Variants in CAPZA1 observed in about 807,000 individuals in gnomAD.
CAPZA1 encodes F-actin-capping protein subunit alpha-1.
Under a neutral mutation model 40.8 loss-of-function variants are expected in CAPZA1, and 10 were observed. That is an observed-to-expected ratio of 0.25 (90% CI 0.15 to 0.42). The LOEUF (loss-of-function observed/expected upper bound fraction) is 0.42, where lower values mean the gene tolerates loss of function less well. Ranked by LOEUF, CAPZA1 falls within the 10% of genes least tolerant of loss-of-function variation. The pLI, the probability that CAPZA1 is intolerant of heterozygous loss-of-function variation, is 1.00. For missense variants in CAPZA1, 277 were observed against 353.8 expected (o/e 0.78, Z 1.74); for synonymous variants, 98 against 115.0 (o/e 0.85, Z 0.95).
At chr1:112,649,790 AC>A (rs570358775) in intron 3 of CAPZA1, 474 of 336,524 alleles carry the variant, frequency 1.4e-3, no homozygotes, top group East Asian at 3.1e-3. Flanking sequence ...AGCTAGCTAT[AC>A]ATAGGAATGA....
At chr1:112,654,801 C>T (rs2101174099) in intron 5 of CAPZA1, 130 bp downstream of exon 5, 1 of 548,278 alleles carries the variant, frequency 1.8e-6, no homozygotes, top group Non-Finnish European at 3.1e-6. Context: ...CATTTTATTC[C>T]CTAAATCATT....
intron 1 of CAPZA1, among the ~76,000 whole-genome samples, chr1:112,640,378 C>A (rs1390859294): frequency 8.4e-6 from 1 of 119,644 alleles, no homozygotes; most frequent in Admixed American, 8.7e-5. Context: ...GTGAGCCCCC[C>A]ACCCGGCCAG....
At chr1:112,639,637 T>C (rs1458207292) in intron 1 of CAPZA1, among the ~76,000 whole-genome samples, 2 of 152,234 alleles carry the variant, frequency 1.3e-5, no homozygotes, top group East Asian at 3.9e-4. Context: ...TTCCTTGACC[T>C]GGTTCTTTCA....
At chr1:112,624,281 C>A (rs1670751908) in intron 1 of CAPZA1, among the ~76,000 whole-genome samples, 1 of 151,864 alleles carries the variant, frequency 6.6e-6, no homozygotes, top group African/African-American at 2.4e-5. Flanking sequence ...GAATGAAAAA[C>A]CAGAGTAGAG....
chr1:112,630,149 C>T (rs1292351592), intron 1 of CAPZA1, among the ~76,000 whole-genome samples: 2 of 151,692 alleles, frequency 1.3e-5, no homozygotes, highest in East Asian at 3.9e-4. Flanking sequence ...CTCAAGTGAT[C>T]CTCCCACCTC....
chr1:112,661,767 A>C (rs1186083411), intron 7 of CAPZA1, among the ~76,000 whole-genome samples: 1 of 152,264 alleles, frequency 6.6e-6, no homozygotes, highest in Non-Finnish European at 1.5e-5. Context: ...ATAAAATAAG[A>C]GCACACATCA....
chr1:112,654,712 T>G, intron 5 of CAPZA1, 41 bp downstream of exon 5: 1 of 1,360,054 alleles, frequency 7.4e-7, no homozygotes, highest in Non-Finnish European at 1.0e-6. Flanking sequence ...AGTGTTTTCT[T>G]ATATTTACCT....
chr1:112,648,095 G>C (rs1671315848), intron 2 of CAPZA1, among the ~76,000 whole-genome samples: 1 of 152,046 alleles, frequency 6.6e-6, no homozygotes, highest in South Asian at 2.1e-4. Context: ...CTTTGTACCT[G>C]GCCCAGATGG....
intron 3 of CAPZA1, 45 bp downstream of exon 3, chr1:112,649,514 G>T: frequency 7.1e-7 from 1 of 1,403,984 alleles, no homozygotes; most frequent in Non-Finnish European, 1.0e-6. Context: ...TCTAACATTG[G>T]ATAAACTATG....
In CAPZA1 at chr1:112,669,956, C is replaced by A. The variant is rs756406634; in HGVS notation, c.721-36C>A. On this transcript the variant is annotated intron_variant, in intron 9 of 9. Transcript: ENST00000263168. ...TTTCTGTTCACAACCAGCCCCATTT[C>A]TGTTCAAGCAACTCATCTTCAATTA... 1.9e-6 allele frequency: 3 copies of A among 1,612,624 alleles called. No individual in the cohort carries two copies. The South Asian group carries it at 3.3e-5, about 18-fold the overall frequency.
In CAPZA1 at chr1:112,624,016, AAAAAG is replaced by A. The variant is rs1477884729; in HGVS notation, c.39+4138_39+4142del. 1.0e-3 allele frequency among the ~76,000 whole-genome samples: 148 copies of A among 145,434 alleles called. 4 individuals are homozygous for A. Among genetic ancestry groups the A allele is most frequent in the African/African-American group, 3.4e-3 (134 of 39,420 alleles). On this transcript the variant is annotated intron_variant, in intron 1 of 9. Coordinates refer to ENST00000263168, the MANE Select transcript of CAPZA1 (RefSeq NM_006135.3). ...GCAAGACTCCATCTCAAAAAAAAAA[AAAAAG>A]AAAAAAGAAAAGAAAAAGAAATCCT...
chr1:112,669,993 C>T lies in CAPZA1; in HGVS notation c.722C>T (p.Thr241Ile). 6.2e-7 allele frequency: 1 copy of T among 1,613,776 alleles called. No homozygotes were observed. The highest frequency in any genetic ancestry group is 1.7e-4 in the Middle Eastern group (1 of 6,056). ...CTCATCTTCAATTATCTATTGCAGA[C>T]AGCAATTAGTGAAAACTATCAAACA... ...IIENAENEYQ[T>I]AISENYQTMS... Residue 241 changes from threonine (T) to isoleucine (I), a missense_variant and splice_region_variant, in exon 10 of 10, where the codon ACA becomes ATA. Physicochemically the swap from Thr to Ile is moderately conservative, Grantham distance 89. This residue lies in a region of CAPZA1 where 192 missense variants were observed against 277.2 expected (regional missense o/e 0.69). Transcript: ENST00000263168.
intron 7 of CAPZA1, among the ~76,000 whole-genome samples, chr1:112,660,414 G>A (rs1671582226): frequency 6.6e-6 from 1 of 152,162 alleles, no homozygotes; most frequent in Non-Finnish European, 1.5e-5. Flanking sequence ...CCGAGTAGCT[G>A]GGATTACAGG....
At chr1:112,640,946 A>C (rs892169785) in intron 1 of CAPZA1, among the ~76,000 whole-genome samples, 1 of 152,206 alleles carries the variant, frequency 6.6e-6, no homozygotes, top group East Asian at 1.9e-4. Context: ...TCTCTGAAAC[A>C]TGTGCTGTGT....
chr1:112,626,146 C>T (rs1215153048), intron 1 of CAPZA1: 2 of 152,228 alleles, frequency 1.3e-5, no homozygotes, highest in African/African-American at 2.4e-5. Flanking sequence ...TCCTCATCAT[C>T]TCTACTTCTC....
At chr1:112,665,277 A>G (rs1671703679) in intron 7 of CAPZA1, among the ~76,000 whole-genome samples, 1 of 151,240 alleles carries the variant, frequency 6.6e-6, no homozygotes, top group Admixed American at 6.6e-5. Context: ...CCTGGGTTCA[A>G]GCAATTCTCC....
chr1:112,626,874 T>C (rs1670818084), intron 1 of CAPZA1, among the ~76,000 whole-genome samples: 2 of 152,228 alleles, frequency 1.3e-5, no homozygotes, highest in Admixed American at 6.5e-5. Context: ...TTGAGTGTAG[T>C]CATGGTATAA....
chr1:112,643,584 T>A (rs1233934558), intron 1 of CAPZA1, among the ~76,000 whole-genome samples: 9 of 152,178 alleles, frequency 5.9e-5, no homozygotes, highest in Admixed American at 5.9e-4. Flanking sequence ...TATGAGGAGA[T>A]GGATTATCAT....
At position 112,656,466 on chromosome 1, in the gene CAPZA1, T is replaced by TTTTTTTTTTTTTTTC. The variant is rs1553180448; in HGVS notation, c.426+1795_426+1796insTTTTTTTTTTTTTTC. ...TTTTTTTTTTTTTTTTTTTTTTTTT[T>TTTTTTTTTTTTTTTC]AATGAGAATACCCATTATGGTGGAC... is the stretch of plus-strand genomic sequence containing the variant. On this transcript the variant is annotated intron_variant, in intron 5 of 9. Coordinates refer to ENST00000263168, the MANE Select transcript of CAPZA1 (RefSeq NM_006135.3). Among the ~76,000 whole-genome samples the TTTTTTTTTTTTTTTC allele has an allele frequency of 2.9e-4, 27 of 94,410 alleles. 2 individuals carry two copies. Among genetic ancestry groups the TTTTTTTTTTTTTTTC allele is most frequent in the South Asian group, 9.0e-4 (2 of 2,228 alleles). The allele number at this position is 94,410 out of a possible 152,430, so 61.9% of individuals were successfully genotyped here.
Sources: gnomAD v4.1 joint callset for allele counts (sites outside exome capture counted in the v4.1 genomes callset) on GRCh38, gnomAD v4.1.1 for gene constraint, gnomAD v4.1.1 regional missense constraint, MANE v1.5 for transcripts, NCBI Gene and HGNC (gene_info 2026-07-23, HGNC 2026-07-21) for gene names.